PRKD1: variants seen among roughly 807,000 people sequenced by gnomAD.
PRKD1 encodes the protein serine/threonine-protein kinase D1.
A neutral mutation model predicts 95.9 loss-of-function variants in PRKD1; 63 were observed. The ratio of observed to expected loss-of-function variants is 0.66; its 90% CI spans 0.54 to 0.81. The LOEUF (loss-of-function observed/expected upper bound fraction) is 0.81, where lower values mean the gene tolerates loss of function less well. Ranked by LOEUF, PRKD1 falls within the 30% of genes least tolerant of loss-of-function variation. PRKD1 has a pLI of 0.00. For missense variants in PRKD1, 1,048 were observed against 1,165.3 expected (o/e 0.90, Z 1.47); for synonymous variants, 425 against 423.1 (o/e 1.00, Z -0.05).
At chr14:29,892,208 A>G (rs993611236) in intron 1 of PRKD1, among the ~76,000 whole-genome samples, 7 of 152,240 alleles carry the variant, frequency 4.6e-5, no homozygotes, top group African/African-American at 1.7e-4. Context: ...ACATCCAACC[A>G]TTCCTTCTTT....
chr14:29,685,712 A>T (rs901329520), intron 2 of PRKD1, among the ~76,000 whole-genome samples: 1 of 148,308 alleles, frequency 6.7e-6, no homozygotes, highest in Non-Finnish European at 1.5e-5. Context: ...AGAATGAGCA[A>T]AAGATGTATC....
At chr14:29,598,270 TCTAAAATAAAATAAAATAAAATAAA>T (rs1893384109) in intron 15 of PRKD1, among the ~76,000 whole-genome samples, 1 of 120,160 alleles carries the variant, frequency 8.3e-6, no homozygotes, top group African/African-American at 3.1e-5. Flanking sequence ...GAGTGCTCTG[TCTAAAATAAAATAAAATAAAATAAA>T]ATAAAATAAA....
intron 16 of PRKD1, among the ~76,000 whole-genome samples, chr14:29,589,133 T>A (rs1487951814): frequency 6.6e-6 from 1 of 152,168 alleles, no homozygotes; most frequent in Non-Finnish European, 1.5e-5. Context: ...GGAATCTTCA[T>A]GGCCCATTAC....
intron 6 of PRKD1, among the ~76,000 whole-genome samples, chr14:29,637,331 T>C (rs1237840119): frequency 1.3e-5 from 2 of 152,186 alleles, no homozygotes; most frequent in Admixed American, 1.3e-4. Flanking sequence ...TGAAGTAATA[T>C]TGAACCTGTC....
intron 1 of PRKD1, among the ~76,000 whole-genome samples, chr14:29,850,119 C>A (rs535937931): frequency 1.1e-4 from 16 of 152,202 alleles, no homozygotes; most frequent in Non-Finnish European, 2.2e-4. Context: ...AAGCTGAAAC[C>A]ATTCACCTTA....
At chr14:29,828,654 T>C (rs764585578) in intron 1 of PRKD1, among the ~76,000 whole-genome samples, 1 of 152,172 alleles carries the variant, frequency 6.6e-6, no homozygotes, top group East Asian at 1.9e-4. Flanking sequence ...ATAATACTGA[T>C]CTCAAGTGTT....
At chr14:29,721,087 C>T (rs1885873592) in intron 2 of PRKD1, among the ~76,000 whole-genome samples, 1 of 152,152 alleles carries the variant, frequency 6.6e-6, no homozygotes. Flanking sequence ...ACTTTTACTT[C>T]TAAAATATTT....
chr14:29,718,205 G>A (rs138712156), intron 2 of PRKD1, among the ~76,000 whole-genome samples: 11 of 152,202 alleles, frequency 7.2e-5, no homozygotes, highest in East Asian at 1.9e-4. Context: ...CCCACGTGTC[G>A]AGGCAGGGAA....
At chr14:29,769,560 C>T (rs189726808) in intron 1 of PRKD1, among the ~76,000 whole-genome samples, 4 of 151,550 alleles carry the variant, frequency 2.6e-5, no homozygotes, top group Non-Finnish European at 4.4e-5. Context: ...CCCAGTCTCC[C>T]GAAAAAAATA....
chr14:29,854,956 C>T (rs748632322), intron 1 of PRKD1, among the ~76,000 whole-genome samples: 3 of 152,188 alleles, frequency 2.0e-5, no homozygotes, highest in Non-Finnish European at 2.9e-5. Context: ...AAGTAAAGAA[C>T]TGGGGTTTGG....
intron 2 of PRKD1, among the ~76,000 whole-genome samples, chr14:29,669,306 G>T (rs1882705934): frequency 6.6e-6 from 1 of 152,164 alleles, no homozygotes; most frequent in South Asian, 2.1e-4. Flanking sequence ...TTTTACAAAA[G>T]TCAGTGGTAA....
intron 1 of PRKD1, among the ~76,000 whole-genome samples, chr14:29,773,397 T>C (rs537214661): frequency 9.3e-5 from 14 of 150,842 alleles, no homozygotes; most frequent in South Asian, 2.1e-4. Flanking sequence ...GAGGTAGAGG[T>C]TGCAGTGAGC....
At chr14:29,604,589 C>T (rs963439047) in intron 13 of PRKD1, among the ~76,000 whole-genome samples, 2 of 152,102 alleles carry the variant, frequency 1.3e-5, no homozygotes, top group Admixed American at 6.5e-5. Context: ...GTGGCCTTGT[C>T]GACTCTCATT....
chr14:29,640,673 T>C (rs1479166340), intron 4 of PRKD1, among the ~76,000 whole-genome samples: 2 of 152,216 alleles, frequency 1.3e-5, no homozygotes, highest in Non-Finnish European at 2.9e-5. Context: ...TCCAGTGTCC[T>C]CTAGTAACTG....
At chr14:29,897,767 C>T (rs929333176) in intron 1 of PRKD1, among the ~76,000 whole-genome samples, 5 of 152,084 alleles carry the variant, frequency 3.3e-5, no homozygotes, top group African/African-American at 1.2e-4. Context: ...TGGTTGCTTC[C>T]ATACAATCTC....
At chr14:29,670,763 CCA>C (rs1326215430) in intron 2 of PRKD1, among the ~76,000 whole-genome samples, 1 of 152,144 alleles carries the variant, frequency 6.6e-6, no homozygotes, top group Non-Finnish European at 1.5e-5. Context: ...TCTGTTGATC[CCA>C]GTCTCTCCAA....
chr14:29,888,111 G>A (rs1208293255), intron 1 of PRKD1, among the ~76,000 whole-genome samples: 12 of 152,052 alleles, frequency 7.9e-5, no homozygotes, highest in Non-Finnish European at 5.9e-5. Context: ...GACCATCCTG[G>A]AAAACATAGG....
intron 1 of PRKD1, among the ~76,000 whole-genome samples, chr14:29,834,449 T>A (rs1367693759): frequency 6.6e-6 from 1 of 152,128 alleles, no homozygotes; most frequent in Non-Finnish European, 1.5e-5. Context: ...TCAAATATCT[T>A]TTTTTCATTA....
At chr14:29,704,161 T>C (rs1884970835) in intron 2 of PRKD1, among the ~76,000 whole-genome samples, 1 of 152,110 alleles carries the variant, frequency 6.6e-6, no homozygotes, top group Non-Finnish European at 1.5e-5. Context: ...GAGACAGTCA[T>C]GCTCCTTGCC....
Sources: allele counts gnomAD v4.1 joint callset (sites outside exome capture counted in the v4.1 genomes callset), GRCh38; gene constraint gnomAD v4.1.1; transcripts MANE v1.5; gene names NCBI Gene and HGNC (gene_info 2026-07-23, HGNC 2026-07-21).